The following TIAL1 variants were observed in gnomAD, a reference collection of about 807,000 sequenced individuals.
The protein encoded by TIAL1 is TIA1 cytotoxic granule associated RNA binding protein like 1.
Under a neutral mutation model 59.7 loss-of-function variants are expected in TIAL1, and 7 were observed. The ratio of observed to expected loss-of-function variants is 0.12; its 90% CI spans 0.07 to 0.22. The LOEUF is 0.22. TIAL1 is among the 10% of genes least tolerant of loss of function. TIAL1 has a pLI of 1.00. For synonymous variants in TIAL1, 149 were observed against 146.3 expected (o/e 1.02, Z -0.13); for missense variants, 225 against 462.5 (o/e 0.49, Z 4.71).
chr10:119,578,983 C>T (rs1391904528), intron 6 of TIAL1, 149 bp from the exon 7 acceptor site: 5 of 628,602 alleles, frequency 8.0e-6, no homozygotes, highest in Non-Finnish European at 1.4e-5. Context: ...TGAACTATTA[C>T]CAATTAGAAA....
intron 1 of TIAL1, among the ~76,000 whole-genome samples, chr10:119,592,696 G>A (rs1188212303): frequency 6.6e-6 from 1 of 152,014 alleles, no homozygotes; most frequent in African/African-American, 2.4e-5. Flanking sequence ...ATTTTAGGAA[G>A]GAGGCATGAT....
At chr10:119,588,428 C>A in intron 1 of TIAL1, 180 bp from the exon 2 acceptor site, 1 of 368,688 alleles carries the variant, frequency 2.7e-6, no homozygotes, top group Non-Finnish European at 4.9e-6. Flanking sequence ...ACTGCAACTT[C>A]CGCCTCCCAG....
intron 1 of TIAL1, among the ~76,000 whole-genome samples, chr10:119,595,012 T>C (rs1212608798): frequency 6.6e-6 from 1 of 152,190 alleles, no homozygotes; most frequent in Non-Finnish European, 1.5e-5. Context: ...AGACGTTCTA[T>C]TAAGCAGGCG....
In TIAL1 at chr10:119,577,700, T is replaced by C; in HGVS notation, c.593A>G (p.Asn198Ser). 1 of 1,614,160 alleles carries C rather than the reference T, an allele frequency of 6.2e-7. No homozygotes were observed. Among genetic ancestry groups the C allele is most frequent in the Non-Finnish European group, 8.5e-7 (1 of 1,180,000 alleles). Residue 198 changes from asparagine to serine, a missense_variant, in exon 8 of 12, where the codon AAC becomes AGC. Asn to Ser is a conservative substitution (Grantham distance 46). Around this residue, in one of 4 missense-constraint regions of TIAL1, gnomAD observed 80 missense variants for 158.8 expected, o/e 0.50. Transcript: ENST00000436547. Reference sequence around the variant, plus strand: ...AGTACAATTTTTTGGACTTGACTGGTTTACTACATCTTCAAATCTCAACTG... The same window carrying C: ...AGTACAATTTTTTGGACTTGACTGGCTTACTACATCTTCAAATCTCAACTG... ...TKQLRFEDVV[N>S]QSSPKNCTVY... is the part of the protein sequence containing the mutation.
chr10:119,574,132 A>G lies in TIAL1; in HGVS notation c.*1533T>C, dbSNP rs1844840259. 1.3e-5 allele frequency: 2 copies of G among 152,654 alleles called. No homozygotes were observed. Among genetic ancestry groups the G allele is most frequent in the Non-Finnish European group, 1.5e-5 (1 of 68,034 alleles). 9.5% of individuals were successfully genotyped at this position (152,654 alleles called of 1,614,324 possible). On this transcript the variant is annotated 3_prime_UTR_variant, in exon 12 of 12. Coordinates refer to ENST00000436547, the MANE Select transcript of TIAL1 (RefSeq NM_003252.4). ...TGCACTCCCTAGCTCTGACAATTCA[A>G]ATACATAGGATTTTATCTATTTTAC...
intron 1 of TIAL1, among the ~76,000 whole-genome samples, chr10:119,590,861 T>C (rs577661709): frequency 5.3e-5 from 8 of 151,732 alleles, no homozygotes; most frequent in Admixed American, 5.2e-4. Flanking sequence ...ATTATGCTCC[T>C]TGCCTAAAGG....
chr10:119,596,248 G>C (rs534645296), intron 1 of TIAL1, among the ~76,000 whole-genome samples, 186 bp downstream of exon 1: 2 of 152,306 alleles, frequency 1.3e-5, no homozygotes, highest in South Asian at 4.1e-4. Context: ...TGACTGTTTG[G>C]GGGAAGGGAG....
intron 1 of TIAL1, chr10:119,591,861 T>G (rs1335052415): frequency 4.6e-5 from 7 of 152,254 alleles, no homozygotes; most frequent in Non-Finnish European, 1.0e-4. Flanking sequence ...AGACGTATTG[T>G]ATAGCTTTTA....
intron 5 of TIAL1, chr10:119,580,775 T>C: frequency 9.1e-7 from 1 of 1,096,746 alleles, no homozygotes; most frequent in Non-Finnish European, 1.1e-6. Flanking sequence ...AAAAAAAATC[T>C]ACAACTGAGT....
intron 1 of TIAL1, among the ~76,000 whole-genome samples, chr10:119,588,848 A>T (rs1389106077): frequency 1.3e-5 from 2 of 152,162 alleles, no homozygotes; most frequent in Non-Finnish European, 2.9e-5. Flanking sequence ...CCTGGATATC[A>T]TTTTCTCATC....
intron 1 of TIAL1, among the ~76,000 whole-genome samples, chr10:119,591,240 C>A (rs964056831): frequency 3.3e-5 from 5 of 151,914 alleles, no homozygotes; most frequent in African/African-American, 1.2e-4. Flanking sequence ...CCCGTCTCTA[C>A]TAAAAACACA....
rs2133979932 is a variant in TIAL1 at position 119,574,495 on chromosome 10, T to TA, written c.*1169dup. On this transcript the variant is annotated 3_prime_UTR_variant, in exon 12 of 12. Coordinates refer to ENST00000436547, the MANE Select transcript of TIAL1 (RefSeq NM_003252.4). ...ATTTTTAAAAACACCCCAAGATTTT[T>TA]AAAAAACACTTGTACTATACAACTT... 1 of 131,764 alleles carries TA rather than the reference T, an allele frequency of 7.6e-6. No homozygotes were observed. Among genetic ancestry groups the TA allele is most frequent in the South Asian group, 2.5e-4 (1 of 3,958 alleles). The allele number at this position is 131,764 out of a possible 1,614,324, so 8.2% of individuals were successfully genotyped here.
chr10:119,588,093 AATCATGCTAATCAACCC>A, intron 2 of TIAL1, 42 bp downstream of exon 2: 6 of 1,030,268 alleles, frequency 5.8e-6, no homozygotes, highest in Non-Finnish European at 8.2e-6. Flanking sequence ...GAAATTTTAA[AATCATGCTAATCAACCC>A]ATCATGCTAA....
chr10:119,583,855 G>A (rs530775143), intron 2 of TIAL1, among the ~76,000 whole-genome samples: 21 of 152,288 alleles, frequency 1.4e-4, no homozygotes, highest in Admixed American at 9.8e-4. Flanking sequence ...GGTAAAGAAA[G>A]GAAATGGGGG....
rs1845042033 is a variant in TIAL1 at position 119,577,209 on chromosome 10, A to G, written c.738-6T>C. The stretch of plus-strand genomic sequence containing the variant: ...CACTTTCATGGGTTGAAAATCTAAG[A>G]AAGAAAAATGATATGGTTTTGTCTT... On this transcript the variant is annotated splice_polypyrimidine_tract_variant and splice_region_variant and intron_variant, in intron 9 of 11. Transcript: ENST00000436547. 6 of 1,592,130 alleles carry G rather than the reference A, an allele frequency of 3.8e-6. No homozygotes were observed. The African/African-American group carries it at 4.1e-5, about 11-fold the overall frequency.
intron 1 of TIAL1, among the ~76,000 whole-genome samples, chr10:119,594,767 G>A (rs552668307): frequency 1.3e-3 from 204 of 152,302 alleles, no homozygotes; most frequent in African/African-American, 4.7e-3. Flanking sequence ...AGGGACTACA[G>A]GCGCGCGCCA....
chr10:119,580,252 G>A lies in TIAL1; in HGVS notation c.372-242C>T, dbSNP rs1196838036. On this transcript the variant is annotated intron_variant, in intron 5 of 11. Coordinates refer to ENST00000436547, the MANE Select transcript of TIAL1 (RefSeq NM_003252.4). The stretch of plus-strand genomic sequence containing the variant: ...ATAGCCTGTGCTTTCTAAACTAAAT[G>A]CTCAAATTTGAAGATTAATAGGAAC... 11 of 417,718 alleles carry A rather than the reference G, an allele frequency of 2.6e-5. No homozygotes were observed. In the South Asian group the frequency reaches 5.0e-4, roughly 19 times the overall value. 25.9% of individuals were successfully genotyped at this position (417,718 alleles called of 1,614,324 possible). A position where few individuals can be genotyped will look rare whatever the true frequency, so the allele number is the denominator to read the frequency against.
chr10:119,580,387 A>T, intron 5 of TIAL1: 1 of 531,246 alleles, frequency 1.9e-6, no homozygotes, highest in Non-Finnish European at 2.5e-6. Flanking sequence ...CTAAATAGTT[A>T]AATGTCTTCT....
At chr10:119,578,608 G>T in intron 7 of TIAL1, 118 bp downstream of exon 7, 1 of 890,546 alleles carries the variant, frequency 1.1e-6, no homozygotes, top group Non-Finnish European at 1.8e-6. Context: ...TCCAGCCTGG[G>T]CAACAGAGCA....
Sources: allele counts gnomAD v4.1 joint callset (sites outside exome capture counted in the v4.1 genomes callset), GRCh38; gene constraint gnomAD v4.1.1; regional missense constraint gnomAD v4.1.1; transcripts MANE v1.5; gene names NCBI Gene and HGNC (gene_info 2026-07-23, HGNC 2026-07-21).